PFKFB3: variants seen among roughly 807,000 people sequenced by gnomAD.
PFKFB3 encodes the protein 6-phosphofructo-2-kinase/fructose-2,6-biphosphatase 3, also known as 6-phosphofructo-2-kinase/fructose-2,6-bisphosphatase 3.
Under a neutral mutation model 68.0 loss-of-function variants are expected in PFKFB3, and 33 were observed. The observed-to-expected ratio is 0.49, with a 90% CI of 0.37 to 0.65. The LOEUF is 0.65. PFKFB3 is among the 30% of genes least tolerant of loss of function. The pLI is 0.00. For synonymous variants in PFKFB3, 315 were observed against 288.2 expected (o/e 1.09, Z -0.94); for missense variants, 586 against 712.2 (o/e 0.82, Z 2.02).
chr10:6,224,115 G>T (rs1352677421), intron 12 of PFKFB3, 34 bp from the exon 13 acceptor site: 1 of 1,613,658 alleles, frequency 6.2e-7, no homozygotes, highest in East Asian at 2.2e-5. Context: ...CCCTTTAACA[G>T]CAGCTTCCTC....
chr10:6,288,267 C>T, the PFKFB3 span, among the ~76,000 whole-genome samples: 1 of 149,394 alleles, frequency 6.7e-6, no homozygotes, highest in East Asian at 2.0e-4. Context: ...GTTAGTTACA[C>T]ATGTATATAT....
the PFKFB3 span, among the ~76,000 whole-genome samples, chr10:6,307,605 CTTCT>C: frequency 1.4e-5 from 2 of 140,416 alleles, no homozygotes; most frequent in Non-Finnish European, 3.0e-5. Context: ...TCTCCCTTTC[CTTCT>C]TTCTTTCTGC....
intron 1 of PFKFB3, among the ~76,000 whole-genome samples, chr10:6,158,782 G>A (rs1480372175): frequency 6.6e-6 from 1 of 151,794 alleles, no homozygotes; most frequent in African/African-American, 2.4e-5. Flanking sequence ...CAAGAGAATC[G>A]CTTGAACCTA....
Position 6,228,144 on chromosome 10 carries a change from C to T in PFKFB3, c.1515+1779C>T. ...GGGGTTTTTCAGGGCTTCGTCCCTG[C>T]AGATTGCGCCCTGCCTCCTGACTGA... is the stretch of plus-strand genomic sequence containing the variant. On this transcript the variant is annotated intron_variant, in intron 14 of 14. Transcript: ENST00000379775. The surrounding 1 kb of genome is among the most constrained non-coding windows in gnomAD (Gnocchi z 4.5). The T allele has an allele frequency of 1.9e-6, 3 of 1,608,862 alleles. No homozygotes were observed. The highest frequency in any genetic ancestry group is 1.3e-5 in the African/African-American group (1 of 74,968).
At chr10:6,246,925 T>G (rs952057703) in intron 14 of PFKFB3, among the ~76,000 whole-genome samples, 3 of 152,210 alleles carry the variant, frequency 2.0e-5, no homozygotes, top group Non-Finnish European at 2.9e-5. Flanking sequence ...AGAAGCCACC[T>G]GAGATGCAAC....
chr10:6,185,829 A>T (rs1176627267), intron 1 of PFKFB3, among the ~76,000 whole-genome samples: 2 of 151,870 alleles, frequency 1.3e-5, no homozygotes, highest in African/African-American at 4.8e-5. Flanking sequence ...TAGTTGAGAC[A>T]GGGTTTCGCC....
intron 14 of PFKFB3, among the ~76,000 whole-genome samples, chr10:6,253,551 G>A (rs1322435464): frequency 6.6e-6 from 1 of 152,140 alleles, no homozygotes; most frequent in African/African-American, 2.4e-5. Context: ...GCCAGCGGGG[G>A]ACGGGGGTGT....
chr10:6,245,043 C>T (rs1037315200), intron 14 of PFKFB3, among the ~76,000 whole-genome samples: 9 of 152,270 alleles, frequency 5.9e-5, no homozygotes, highest in Admixed American at 3.9e-4. Flanking sequence ...AGAGGGAAAG[C>T]GAGGTCAGGT....
intron 1 of PFKFB3, chr10:6,146,143 T>TG (rs1564580273): frequency 3.9e-6 from 3 of 777,670 alleles, no homozygotes; most frequent in African/African-American, 1.9e-5. Context: ...GGGGTGTGTG[T>TG]GGGGGGAGCC....
At chr10:6,150,594 C>T (rs1664848532) in intron 1 of PFKFB3, among the ~76,000 whole-genome samples, 1 of 152,088 alleles carries the variant, frequency 6.6e-6, no homozygotes, top group African/African-American at 2.4e-5. Context: ...CACTGCACTC[C>T]AGCCGGGGCG....
In PFKFB3 at chr10:6,215,249, G is replaced by A. The variant is rs1844488353; in HGVS notation, c.231G>A (p.Glu77=). The change falls in exon 3 of 15, where the codon GAG becomes GAA. Residue 77 remains glutamate (E), a synonymous_variant. Coordinates refer to ENST00000379775, the MANE Select transcript of PFKFB3 (RefSeq NM_004566.4). This position sits in a 1 kb window ranked among gnomAD's most constrained non-coding sequence, Gnocchi z 4.3. ...KVFNVGEYRR[E]AVKQYSSYNF... ...TCAACGTCGGGGAGTATCGCCGGGA[G>A]GCTGTGAAGCAGTACAGCTCCTACA... The A allele has an allele frequency of 6.2e-7, 1 of 1,614,042 alleles. No homozygotes were observed. Among genetic ancestry groups the A allele is most frequent in the South Asian group, 1.1e-5 (1 of 91,080 alleles).
intron 1 of PFKFB3, among the ~76,000 whole-genome samples, chr10:6,178,426 G>A (rs994846696): frequency 2.6e-5 from 4 of 152,202 alleles, no homozygotes; most frequent in Non-Finnish European, 4.4e-5. Flanking sequence ...CGGCTGATAT[G>A]GGCTTAGGGG....
chr10:6,193,195 A>G (rs1054422560), intron 1 of PFKFB3, among the ~76,000 whole-genome samples: 3 of 152,142 alleles, frequency 2.0e-5, no homozygotes, highest in South Asian at 4.1e-4. Flanking sequence ...AAAACAAAAG[A>G]TAGAAATTAG....
chr10:6,225,888 C>T (rs904337899), intron 13 of PFKFB3, among the ~76,000 whole-genome samples: 2 of 152,206 alleles, frequency 1.3e-5, no homozygotes, highest in Non-Finnish European at 2.9e-5. Context: ...TCTCCGACCT[C>T]ACGCTCTGCT....
intron 1 of PFKFB3, among the ~76,000 whole-genome samples, chr10:6,194,483 T>C (rs910425335): frequency 6.6e-6 from 1 of 152,198 alleles, no homozygotes. Flanking sequence ...CTTTCAAACA[T>C]TTAAGGGCGA....
At chr10:6,182,553 C>A (rs907284747) in intron 1 of PFKFB3, among the ~76,000 whole-genome samples, 1 of 152,248 alleles carries the variant, frequency 6.6e-6, no homozygotes, top group African/African-American at 2.4e-5. Flanking sequence ...CACGCCAGCA[C>A]TGTGTTTCAT....
chr10:6,226,481 G>A, intron 14 of PFKFB3, 116 bp downstream of exon 14: 2 of 951,950 alleles, frequency 2.1e-6, no homozygotes, highest in Non-Finnish European at 1.5e-6. Context: ...GCGTGTGGGT[G>A]CGCGTGCGTA....
At position 6,220,185 on chromosome 10, in the gene PFKFB3, TC is replaced by T. The variant is rs952958519; in HGVS notation, c.624-472del. Among the ~76,000 whole-genome samples the T allele has an allele frequency of 3.3e-5, 5 of 151,354 alleles. No individual in the cohort carries two copies. Among genetic ancestry groups the T allele is most frequent in the African/African-American group, 1.2e-4 (5 of 40,848 alleles). On this transcript the variant is annotated intron_variant, in intron 7 of 14. Coordinates refer to ENST00000379775, the MANE Select transcript of PFKFB3 (RefSeq NM_004566.4). The surrounding 1 kb of genome is among the most constrained non-coding windows in gnomAD (Gnocchi z 4.1). ...GGCATGATCATAGCTCACTGCAGGT[TC>T]AAACTTCTGGGCTCAAGTAATCCTA... is the stretch of plus-strand genomic sequence containing the variant.
At chr10:6,212,395 A>G (rs1203429529) in intron 1 of PFKFB3, among the ~76,000 whole-genome samples, 2 of 152,200 alleles carry the variant, frequency 1.3e-5, no homozygotes. Flanking sequence ...CAAGACCGTC[A>G]TGTAGCAGCG....
Sources: allele counts gnomAD v4.1 joint callset (sites outside exome capture counted in the v4.1 genomes callset), GRCh38; gene constraint gnomAD v4.1.1; non-coding constraint Gnocchi (gnomAD v3.1); transcripts MANE v1.5; gene names NCBI Gene and HGNC (gene_info 2026-07-23, HGNC 2026-07-21).